Variants in INPP4B observed in about 807,000 individuals in gnomAD.
INPP4B encodes the protein inositol polyphosphate-4-phosphatase type II B.
Under a neutral mutation model 122.5 loss-of-function variants are expected in INPP4B, and 55 were observed. The ratio of observed to expected loss-of-function variants is 0.45; its 90% confidence interval spans 0.36 to 0.56. INPP4B has a LOEUF of 0.56. INPP4B is among the 20% of genes least tolerant of loss of function. The pLI is 0.00. For synonymous variants in INPP4B, 403 were observed against 388.7 expected, an observed-to-expected ratio of 1.04 and a Z score of -0.43; for missense variants, 1,000 against 1,097.7, an observed-to-expected ratio of 0.91 and a Z score of 1.26.
chr4:142,160,711 T>C, intron 16 of INPP4B, 150 bp from the exon 17 acceptor site: 1 of 545,214 alleles, frequency 1.8e-6, no homozygotes, highest in Non-Finnish European at 3.2e-6. Flanking sequence ...TTCATACCAA[T>C]CAATGGAAAA....
At chr4:142,561,120 T>A (rs554521097) in intron 2 of INPP4B, among the ~76,000 whole-genome samples, 1 of 152,320 alleles carries the variant, frequency 6.6e-6, no homozygotes, top group East Asian at 1.9e-4. Context: ...CTAAACTCAC[T>A]AATAGTATAA....
At chr4:142,389,048 G>C (rs1036013066) in intron 7 of INPP4B, among the ~76,000 whole-genome samples, 6 of 151,992 alleles carry the variant, frequency 3.9e-5, no homozygotes, top group African/African-American at 1.2e-4. Flanking sequence ...TCAGGATTTC[G>C]AGACCAGCCT....
At chr4:142,212,806 G>C (rs1845470444) in intron 12 of INPP4B, among the ~76,000 whole-genome samples, 1 of 152,148 alleles carries the variant, frequency 6.6e-6, no homozygotes, top group South Asian at 2.1e-4. Context: ...CACTGCTACT[G>C]ATTATAGGAA....
chr4:142,351,461 C>T (rs1449448088), intron 7 of INPP4B, among the ~76,000 whole-genome samples: 1 of 151,918 alleles, frequency 6.6e-6, no homozygotes, highest in African/African-American at 2.4e-5. Context: ...CCCTGATGGA[C>T]CCTGATTGAT....
At chr4:142,684,370 C>G (rs984530074) in intron 2 of INPP4B, among the ~76,000 whole-genome samples, 2 of 151,998 alleles carry the variant, frequency 1.3e-5, no homozygotes, top group Admixed American at 6.6e-5. Context: ...GTCAAAAAGG[C>G]TCATAGAATT....
intron 2 of INPP4B, among the ~76,000 whole-genome samples, chr4:142,608,293 A>G (rs1432310590): frequency 6.6e-6 from 1 of 152,146 alleles, no homozygotes; most frequent in African/African-American, 2.4e-5. Flanking sequence ...GTCAATAATA[A>G]AGGCAATTAC....
At chr4:142,788,302 A>G (rs1345268682) in intron 1 of INPP4B, among the ~76,000 whole-genome samples, 1 of 152,094 alleles carries the variant, frequency 6.6e-6, no homozygotes, top group African/African-American at 2.4e-5. Context: ...TAAAAGTATA[A>G]GATTAAAAAA....
intron 12 of INPP4B, among the ~76,000 whole-genome samples, chr4:142,231,287 T>C (rs1329863821): frequency 1.3e-5 from 2 of 152,212 alleles, no homozygotes; most frequent in Admixed American, 6.5e-5. Context: ...AATGTCAGGA[T>C]TGGCTGCAAA....
At chr4:142,068,271 A>G (rs1338359420) in intron 25 of INPP4B, among the ~76,000 whole-genome samples, 3 of 152,186 alleles carry the variant, frequency 2.0e-5, no homozygotes, top group Non-Finnish European at 4.4e-5. Context: ...CTTTACAGAC[A>G]AAACAATGCT....
chr4:142,841,214 G>A (rs1484268542), intron 1 of INPP4B, among the ~76,000 whole-genome samples: 1 of 151,984 alleles, frequency 6.6e-6, no homozygotes, highest in Non-Finnish European at 1.5e-5. Context: ...GTACTTTAAA[G>A]CTTCCTTGGA....
At chr4:142,114,414 T>C (rs1281444328) in intron 21 of INPP4B, among the ~76,000 whole-genome samples, 2 of 152,060 alleles carry the variant, frequency 1.3e-5, no homozygotes, top group African/African-American at 4.8e-5. Context: ...TGTACAAGGG[T>C]TCCAGGTTTT....
chr4:142,448,206 G>T (rs191597913), intron 3 of INPP4B, among the ~76,000 whole-genome samples: 1 of 151,922 alleles, frequency 6.6e-6, no homozygotes, highest in East Asian at 1.9e-4. Flanking sequence ...GCCTGTGCGG[G>T]CTGATGTCCA....
At chr4:142,217,889 G>A (rs956949687) in intron 12 of INPP4B, among the ~76,000 whole-genome samples, 1 of 152,118 alleles carries the variant, frequency 6.6e-6, no homozygotes, top group African/African-American at 2.4e-5. Flanking sequence ...CTGAGACTTT[G>A]CTTTTTTCCT....
chr4:142,705,128 T>C (rs1350651780), intron 2 of INPP4B, among the ~76,000 whole-genome samples: 2 of 152,218 alleles, frequency 1.3e-5, no homozygotes, highest in Non-Finnish European at 2.9e-5. Flanking sequence ...CTTAAACTAC[T>C]GCTCCTTCCT....
At chr4:142,439,785 C>T (rs1013595196) in intron 3 of INPP4B, among the ~76,000 whole-genome samples, 8 of 152,128 alleles carry the variant, frequency 5.3e-5, no homozygotes, top group East Asian at 3.9e-4. Flanking sequence ...GCAGAAGAAA[C>T]GGGTCACATT....
intron 17 of INPP4B, among the ~76,000 whole-genome samples, chr4:142,155,136 G>C (rs1816506457): frequency 6.6e-6 from 1 of 151,796 alleles, no homozygotes; most frequent in Non-Finnish European, 1.5e-5. Flanking sequence ...CAAGCTATAA[G>C]GTGTTGCTTT....
chr4:142,637,446 C>T (rs1325030675), intron 2 of INPP4B, among the ~76,000 whole-genome samples: 2 of 152,108 alleles, frequency 1.3e-5, no homozygotes, highest in Admixed American at 6.6e-5. Context: ...AAAACCATAA[C>T]GTTTGTAGCC....
chr4:142,417,743 C>T (rs1806069114), intron 5 of INPP4B, among the ~76,000 whole-genome samples: 1 of 152,000 alleles, frequency 6.6e-6, no homozygotes, highest in East Asian at 1.9e-4. Context: ...CAAAACGACC[C>T]AGGAATGATG....
intron 1 of INPP4B, among the ~76,000 whole-genome samples, chr4:142,839,147 T>C (rs566264741): frequency 3.3e-5 from 5 of 152,298 alleles, no homozygotes; most frequent in African/African-American, 1.2e-4. Flanking sequence ...ATATCTACAA[T>C]GTCTGCCGCT....
Sources: allele counts gnomAD v4.1 joint callset (sites outside exome capture counted in the v4.1 genomes callset), GRCh38; gene constraint gnomAD v4.1.1; transcripts MANE v1.5; gene names NCBI Gene and HGNC (gene_info 2026-07-23, HGNC 2026-07-21).